DLGAP2: variants seen among roughly 807,000 people sequenced by gnomAD.
The protein encoded by DLGAP2 is DLG associated protein 2, also known as disks large-associated protein 2.
A neutral mutation model predicts 100.3 loss-of-function variants in DLGAP2; 26 were observed. The observed-to-expected ratio is 0.26, with a 90% confidence interval of 0.19 to 0.36. The LOEUF is 0.36. Among genes scored for constraint, DLGAP2 ranks in the 10% least tolerant of loss-of-function variants. DLGAP2 has a pLI of 1.00. For missense variants in DLGAP2, 1,858 were observed against 1,453.2 expected (o/e 1.28, Z -4.53); for synonymous variants, 886 against 630.1 (o/e 1.41, Z -6.08).
rs145865482 is a variant in DLGAP2, at chr8:1,502,187, A to T, written c.172+756A>T. ...AAGAGGTTTGTTGCTGTCTGTGGTT[A>T]TTCTCTAACCTAAAAGATTGTCAGC... On this transcript the variant is annotated intron_variant, in intron 4 of 14. Transcript: ENST00000637795. 2.4e-3 allele frequency among the ~76,000 whole-genome samples: 364 copies of T among 152,338 alleles called. 1 individual carries two copies. The highest frequency in any genetic ancestry group is 8.2e-3 in the African/African-American group (339 of 41,582).
rs188316943 is a variant in DLGAP2, at chr8:1,646,178, C to T, written c.1810+13132C>T. 2.2e-4 allele frequency among the ~76,000 whole-genome samples: 33 copies of T among 152,202 alleles called. No individual in the cohort carries two copies. The East Asian group carries it at 5.0e-3, about 23-fold the overall frequency. On this transcript the variant is annotated intron_variant, in intron 8 of 14. Transcript: ENST00000637795. The stretch of plus-strand genomic sequence containing the variant: ...TGCTTTCCCCAGTGTGGGTGGGCCA[C>T]GTCCTATCTAGTGGAAGAAACAAAA...
intron 3 of DLGAP2, among the ~76,000 whole-genome samples, chr8:1,353,333 G>C (rs1291818870): frequency 2.0e-5 from 3 of 152,206 alleles, no homozygotes. Flanking sequence ...TTATGATGCT[G>C]TGAAAGTAAT....
rs765746610 is a variant in DLGAP2, at chr8:1,378,269, CCTGT to C, written c.106+119392_106+119395del. 2.9e-3 allele frequency among the ~76,000 whole-genome samples: 433 copies of C among 151,500 alleles called. 1 individual carries two copies. The highest frequency in any genetic ancestry group is 5.0e-3 in the Non-Finnish European group (336 of 67,860). On this transcript the variant is annotated intron_variant, in intron 3 of 14. Coordinates refer to ENST00000637795, the MANE Select transcript of DLGAP2 (RefSeq NM_001346810.2). ...TCCTTGCCACACACACCTGACTTCG[CCTGT>C]CTGTCCTGCACACACCTGACCTCAC...
intron 2 of DLGAP2, among the ~76,000 whole-genome samples, chr8:1,180,580 G>A (rs76808550): frequency 0.029 from 4,252 of 147,178 alleles, 88 homozygotes; most frequent in Non-Finnish European, 0.044. Context: ...GTGTGCAATG[G>A]CAGCACACTG....
chr8:1,039,824 A>G (rs1038022771), intron 2 of DLGAP2, among the ~76,000 whole-genome samples: 956 of 58,480 alleles, frequency 0.016, no homozygotes, highest in Middle Eastern at 0.045. Context: ...CTCGGTGTGC[A>G]TGGTCGGCTC....
At chr8:914,915 T>G (rs1041588417) in intron 2 of DLGAP2, among the ~76,000 whole-genome samples, 1 of 152,072 alleles carries the variant, frequency 6.6e-6, no homozygotes, top group Non-Finnish European at 1.5e-5. Flanking sequence ...TTTGGGAGAT[T>G]TTTGGCTTTG....
chr8:1,438,148 C>A (rs920663403), intron 3 of DLGAP2, among the ~76,000 whole-genome samples: 1 of 152,182 alleles, frequency 6.6e-6, no homozygotes, highest in Non-Finnish European at 1.5e-5. Context: ...GGAGGAAGTG[C>A]TCCCATCGTG....
intron 6 of DLGAP2, among the ~76,000 whole-genome samples, chr8:1,577,269 G>A (rs1291126345): frequency 2.0e-5 from 3 of 152,066 alleles, no homozygotes; most frequent in East Asian, 1.9e-4. Context: ...GTCAATATAC[G>A]ATAAAAATTT....
At chr8:1,197,599 C>G (rs1009251544) in intron 2 of DLGAP2, among the ~76,000 whole-genome samples, 1 of 151,416 alleles carries the variant, frequency 6.6e-6, no homozygotes, top group Non-Finnish European at 1.5e-5. Flanking sequence ...CTGAGCGAAG[C>G]CAATGTGGAG....
chr8:997,114 AAAAC>A (rs1800803814), intron 2 of DLGAP2, among the ~76,000 whole-genome samples: 2 of 152,218 alleles, frequency 1.3e-5, no homozygotes, highest in African/African-American at 4.8e-5. Flanking sequence ...AATTGAGAAA[AAAAC>A]AAGTTATAGA....
intron 1 of DLGAP2, chr8:891,370 G>C (rs541794619): frequency 6.6e-6 from 1 of 152,550 alleles, no homozygotes; most frequent in Non-Finnish European, 1.5e-5. Flanking sequence ...AGGTCAGGCT[G>C]TGGAGAATGT....
intron 2 of DLGAP2, among the ~76,000 whole-genome samples, chr8:1,106,293 G>C (rs189878160): frequency 1.1e-4 from 16 of 149,074 alleles, no homozygotes; most frequent in African/African-American, 4.0e-4. Flanking sequence ...ACTGAAGGAG[G>C]CCATTCTAGA....
chr8:1,354,972 A>C (rs1476779918), intron 3 of DLGAP2, among the ~76,000 whole-genome samples: 1 of 137,836 alleles, frequency 7.3e-6, no homozygotes, highest in Admixed American at 7.3e-5. Context: ...GCTGCGGATG[A>C]GGGTGGAAAG....
At chr8:1,694,430 C>T (rs1182270671) in intron 13 of DLGAP2, among the ~76,000 whole-genome samples, 1 of 152,218 alleles carries the variant, frequency 6.6e-6, no homozygotes, top group Non-Finnish European at 1.5e-5. Flanking sequence ...GGACTGACCA[C>T]AGGGAGCGGA....
At chr8:1,283,380 C>G (rs759089618) in intron 3 of DLGAP2, among the ~76,000 whole-genome samples, 3 of 152,236 alleles carry the variant, frequency 2.0e-5, no homozygotes, top group Admixed American at 6.5e-5. Context: ...GGCGCCCAGA[C>G]CTTCCACATT....
chr8:1,676,884 G>T (rs765994203), intron 11 of DLGAP2, among the ~76,000 whole-genome samples: 2 of 152,234 alleles, frequency 1.3e-5, no homozygotes. Flanking sequence ...GAAAGTCAGA[G>T]TCCTTGATCC....
intron 2 of DLGAP2, among the ~76,000 whole-genome samples, chr8:1,230,987 C>G (rs1164413165): frequency 6.6e-6 from 1 of 152,120 alleles, no homozygotes; most frequent in African/African-American, 2.4e-5. Flanking sequence ...GCAACTGCAA[C>G]AAAAACATAA....
intron 1 of DLGAP2, among the ~76,000 whole-genome samples, chr8:795,667 T>TGTCCAGTGAGAGCAGGC (rs1796012116): frequency 1.0e-4 from 3 of 29,478 alleles, no homozygotes; most frequent in Admixed American, 3.1e-4. Context: ...TGAGAGCAGG[T>TGTCCAGTGAGAGCAGGC]GTCCAGTGAG....
rs74313556 is a variant in DLGAP2, at chr8:1,165,858, G to GA, written c.74-92983dup. 1.0e-3 allele frequency among the ~76,000 whole-genome samples: 152 copies of GA among 147,510 alleles called. 2 individuals carry two copies. The East Asian group carries it at 0.019, about 18-fold the overall frequency. On this transcript the variant is annotated intron_variant, in intron 2 of 14. Transcript: ENST00000637795. Reference sequence around the variant, plus strand: ...TAATTTTCCCACGTTAGATTTAAGGGAAAAAAAAAACATTCAGGGAGGCTT... The same window carrying GA: ...TAATTTTCCCACGTTAGATTTAAGGGAAAAAAAAAAACATTCAGGGAGGCTT...
Sources: gnomAD v4.1 joint callset for allele counts (sites outside exome capture counted in the v4.1 genomes callset) on GRCh38, gnomAD v4.1.1 for gene constraint, MANE v1.5 for transcripts, NCBI Gene and HGNC (gene_info 2026-07-23, HGNC 2026-07-21) for gene names.